UBA2: variants seen among roughly 807,000 people sequenced by gnomAD.
The protein encoded by UBA2 is ubiquitin like modifier activating enzyme 2, also known as SUMO-activating enzyme subunit 2.
Under a neutral mutation model 77.2 loss-of-function variants are expected in UBA2, and 11 were observed. The observed-to-expected ratio is 0.14, with a 90% CI of 0.09 to 0.24. The LOEUF is 0.24. UBA2 is among the 10% of genes least tolerant of loss of function. The pLI is 1.00. For missense variants in UBA2, 487 were observed against 781.7 expected (o/e 0.62, Z 4.50); for synonymous variants, 278 against 276.7 (o/e 1.00, Z -0.05).
At chr19:34,463,304 C>A (rs368891384) in intron 14 of UBA2, among the ~76,000 whole-genome samples, 1 of 152,036 alleles carries the variant, frequency 6.6e-6, no homozygotes, top group Admixed American at 6.5e-5. Context: ...GAAGTAGTTT[C>A]GGTAGTTAAG....
In UBA2 at chr19:34,470,253, C is replaced by T. The variant is rs2075724958; in HGVS notation, c.*1032C>T. The T allele has an allele frequency of 6.6e-6, 1 of 151,922 alleles. No homozygotes were observed. Among genetic ancestry groups the T allele is most frequent in the South Asian group, 2.1e-4 (1 of 4,806 alleles). 9.4% of individuals were successfully genotyped at this position (151,922 alleles called of 1,614,324 possible). On this transcript the variant is annotated 3_prime_UTR_variant, in exon 17 of 17. Coordinates refer to ENST00000246548, the MANE Select transcript of UBA2 (RefSeq NM_005499.3). ...CCAGCCAGGGCGATGAGTGAAACTC[C>T]ATCTCAAAAAAGGTTCAGAAGATCT...
chr19:34,458,092 A>C (rs1698265372), intron 12 of UBA2, among the ~76,000 whole-genome samples: 1 of 152,188 alleles, frequency 6.6e-6, no homozygotes, highest in South Asian at 2.1e-4. Flanking sequence ...GCTTGATAAG[A>C]ATAGCCTCAG....
chr19:34,467,792 A>T (rs577939932), intron 16 of UBA2, among the ~76,000 whole-genome samples: 2 of 152,202 alleles, frequency 1.3e-5, no homozygotes, highest in Non-Finnish European at 2.9e-5. Flanking sequence ...GACTGGGGGA[A>T]ATTCTTATGG....
intron 5 of UBA2, among the ~76,000 whole-genome samples, chr19:34,436,142 C>A (rs970298280): frequency 2.6e-5 from 4 of 150,972 alleles, no homozygotes; most frequent in Admixed American, 2.0e-4. Flanking sequence ...CCAAAAAATT[C>A]TGTTGTCTAA....
At chr19:34,436,214 T>C (rs986427374) in intron 5 of UBA2, among the ~76,000 whole-genome samples, 4 of 152,152 alleles carry the variant, frequency 2.6e-5, no homozygotes, top group Non-Finnish European at 4.4e-5. Context: ...ATTTGTGAAG[T>C]ACTTCAAACA....
At chr19:34,462,259 G>T (rs1318238481) in intron 14 of UBA2, among the ~76,000 whole-genome samples, 1 of 152,156 alleles carries the variant, frequency 6.6e-6, no homozygotes, top group Non-Finnish European at 1.5e-5. Flanking sequence ...GCAGAGGCAG[G>T]TGATAGATTT....
chr19:34,465,908 G>C (rs2075682484), intron 15 of UBA2, among the ~76,000 whole-genome samples: 1 of 152,102 alleles, frequency 6.6e-6, no homozygotes, highest in Non-Finnish European at 1.5e-5. Context: ...CTTAAAACGT[G>C]TGTCTTTTGT....
Position 34,452,935 on chromosome 19 carries a change from A to G in UBA2, c.1038+788A>G, listed in dbSNP as rs541293438. Among the ~76,000 whole-genome samples, 24 of 152,336 alleles carry G rather than the reference A, an allele frequency of 1.6e-4. No homozygotes were observed. In the South Asian group the frequency reaches 4.8e-3, roughly 30 times the overall value. On this transcript the variant is annotated intron_variant, in intron 10 of 16. Transcript: ENST00000246548. ...TAGTCTCTTGGGTTTTGTGATATTT[A>G]AAGGGTAACTTTTCATATTTTCATT...
At chr19:34,468,850 A>G (rs887413170) in intron 16 of UBA2, among the ~76,000 whole-genome samples, 190 bp from the exon 17 acceptor site, 9 of 152,242 alleles carry the variant, frequency 5.9e-5, no homozygotes, top group Non-Finnish European at 1.3e-4. Flanking sequence ...TTTTGATTAG[A>G]AAATAAATAG....
intron 13 of UBA2, among the ~76,000 whole-genome samples, chr19:34,459,465 G>GT (rs1297843666): frequency 6.6e-6 from 1 of 152,124 alleles, no homozygotes; most frequent in African/African-American, 2.4e-5. Context: ...AGGCTAAGTG[G>GT]TGGTACACAC....
intron 5 of UBA2, among the ~76,000 whole-genome samples, chr19:34,438,157 TTTAC>T (rs2075330084): frequency 6.6e-6 from 1 of 151,838 alleles, no homozygotes; most frequent in Non-Finnish European, 1.5e-5. Context: ...AATCTTGTAG[TTTAC>T]TTAATTTCAG....
At position 34,458,590 on chromosome 19, in the gene UBA2, A is replaced by G. The variant is rs866696847; in HGVS notation, c.1246-179A>G. 96 of 200,578 alleles carry G rather than the reference A, an allele frequency of 4.8e-4. 2 individuals are homozygous for G. Among genetic ancestry groups the G allele is most frequent in the South Asian group, 1.4e-3 (9 of 6,562 alleles). The allele number at this position is 200,578 out of a possible 1,614,324, so 12.4% of individuals were successfully genotyped here. A position where few individuals can be genotyped will look rare whatever the true frequency, so the allele number is the denominator to read the frequency against. On this transcript the variant is annotated intron_variant, in intron 12 of 16. Transcript: ENST00000246548. ...AAAAAAAAAAAAAAAAAAAAAAAAA[A>G]AAGAAGGTTGAAAAACCAGGTTCCT...
rs941357366 is a variant in UBA2 at position 34,428,727 on chromosome 19, C to G, written c.138+157C>G. Reference sequence around the variant, plus strand: ...CTGAGAGGCTCGGGTTGTGCCCCCCCCGCGGGAGGAGACTGTTCTTTGGGC... The same window carrying G: ...CTGAGAGGCTCGGGTTGTGCCCCCCGCGCGGGAGGAGACTGTTCTTTGGGC... On this transcript the variant is annotated intron_variant, in intron 1 of 16. Transcript: ENST00000246548. The G allele has an allele frequency of 4.3e-6, 5 of 1,155,020 alleles. 1 individual carries two copies. Among genetic ancestry groups the G allele is most frequent in the South Asian group, 4.5e-5 (1 of 22,258 alleles). 71.5% of individuals were successfully genotyped at this position (1,155,020 alleles called of 1,614,324 possible).
At chr19:34,460,335 GGGATCTTGAAGAGT>G in intron 13 of UBA2, 121 bp from the exon 14 acceptor site, 1 of 640,566 alleles carries the variant, frequency 1.6e-6, no homozygotes, top group East Asian at 2.8e-5. Flanking sequence ...CTTGCTCTAA[GGGATCTTGAAGAGT>G]GACTTCGCCG....
chr19:34,437,200 G>T (rs1477456161), intron 5 of UBA2, among the ~76,000 whole-genome samples: 2 of 151,740 alleles, frequency 1.3e-5, no homozygotes, highest in South Asian at 4.2e-4. Context: ...GACCTCAGGT[G>T]ATCCGCCTGC....
intron 8 of UBA2, among the ~76,000 whole-genome samples, chr19:34,447,771 T>C (rs1428501205): frequency 6.6e-6 from 1 of 152,230 alleles, no homozygotes; most frequent in African/African-American, 2.4e-5. Context: ...ATAAGTTTCA[T>C]CTAAAGGACT....
intron 15 of UBA2, among the ~76,000 whole-genome samples, chr19:34,464,442 C>T (rs2075666033): frequency 6.6e-6 from 1 of 151,962 alleles, no homozygotes; most frequent in African/African-American, 2.4e-5. Context: ...CCTGTAGTCC[C>T]AGCTACTTGG....
Position 34,467,465 on chromosome 19 carries a change from C to CAA in UBA2, c.1741+468_1741+469dup, listed in dbSNP as rs35373946. On this transcript the variant is annotated intron_variant, in intron 16 of 16. Transcript: ENST00000246548. Reference sequence around the variant, plus strand: ...CCTGGGCAACAGCAAGACCATGTCTCAAAAAAAAAAAAAAAAAAGTCATTT... The same window carrying CAA: ...CCTGGGCAACAGCAAGACCATGTCTCAAAAAAAAAAAAAAAAAAAAGTCATTT... Among the ~76,000 whole-genome samples, 170 of 110,154 alleles carry CAA rather than the reference C, an allele frequency of 1.5e-3. 1 individual carries two copies. Among genetic ancestry groups the CAA allele is most frequent in the African/African-American group, 4.2e-3 (137 of 32,924 alleles). 72.3% of individuals were successfully genotyped at this position (110,154 alleles called of 152,430 possible).
chr19:34,454,029 C>G (rs981503662), intron 10 of UBA2, among the ~76,000 whole-genome samples: 108 of 152,032 alleles, frequency 7.1e-4, no homozygotes, highest in Non-Finnish European at 8.8e-5. Context: ...TCTTGGTGTT[C>G]TTGTCAGACT....
Sources: gnomAD v4.1 joint callset for allele counts (sites outside exome capture counted in the v4.1 genomes callset) on GRCh38, gnomAD v4.1.1 for gene constraint, MANE v1.5 for transcripts, NCBI Gene and HGNC (gene_info 2026-07-23, HGNC 2026-07-21) for gene names.